Variants in APOL3 observed in about 807,000 individuals in gnomAD.
APOL3 encodes the protein apolipoprotein L3, also known as TNF-inducible protein CG12-1.
APOL3 carries 14 observed loss-of-function variants against 11.6 expected under a neutral mutation model. That is an observed-to-expected ratio of 1.21 (90% CI 0.80 to 1.89). The LOEUF (loss-of-function observed/expected upper bound fraction) is 1.89. Among genes scored for constraint, APOL3 ranks in the 40% most tolerant of loss-of-function variants. The probability of loss-of-function intolerance (pLI) is 0.00; values close to 1 mark genes in which losing one functional copy is unlikely to be tolerated. For missense variants in APOL3, 483 were observed against 492.1 expected (o/e 0.98, Z 0.17); for synonymous variants, 192 against 190.6 (o/e 1.01, Z -0.06).
exon 3 of APOL3, chr22:36,141,778 A>G (rs2146723638): frequency 2.5e-6 from 4 of 1,614,170 alleles, no homozygotes; most frequent in Non-Finnish European, 2.5e-6. Flanking sequence ...CCTGCTGTAA[A>G]TGGTGCCAAA....
intron 1 of APOL3, among the ~76,000 whole-genome samples, chr22:36,157,702 T>G (rs2013123230): frequency 6.6e-6 from 1 of 152,194 alleles, no homozygotes; most frequent in South Asian, 2.1e-4. Flanking sequence ...CAAAGGTAAC[T>G]GTCCACAATC....
At chr22:36,157,476 T>C (rs1466637723) in intron 1 of APOL3, among the ~76,000 whole-genome samples, 2 of 152,176 alleles carry the variant, frequency 1.3e-5, no homozygotes, top group Non-Finnish European at 2.9e-5. Flanking sequence ...GGGATCTAAG[T>C]GTACCCCAGA....
upstream of APOL3, among the ~76,000 whole-genome samples, chr22:36,162,066 T>C (rs1327848369): frequency 6.6e-6 from 1 of 152,222 alleles, no homozygotes; most frequent in Non-Finnish European, 1.5e-5. Flanking sequence ...AACAGTTTGC[T>C]GTTTGATCAT....
chr22:36,141,258 T>C, exon 3 of APOL3: 1 of 1,614,098 alleles, frequency 6.2e-7, no homozygotes, highest in East Asian at 2.2e-5. Context: ...CATTAGATTC[T>C]CCTCCAGCTC....
At chr22:36,150,071 C>G in intron 1 of APOL3, 1 of 360,052 alleles carries the variant, frequency 2.8e-6, no homozygotes, top group Non-Finnish European at 5.5e-6. Flanking sequence ...CTGAGCCCCC[C>G]AAAGTCCTGC....
At chr22:36,142,626 C>T (rs1018503824) in intron 2 of APOL3, among the ~76,000 whole-genome samples, 1 of 152,082 alleles carries the variant, frequency 6.6e-6, no homozygotes, top group African/African-American at 2.4e-5. Flanking sequence ...GGGGCTATTA[C>T]GTATCTTTTC....
intron 1 of APOL3, among the ~76,000 whole-genome samples, chr22:36,145,964 C>CTCTCCCTG (rs60037881): frequency 0.24 from 30,112 of 126,972 alleles, 4,539 homozygotes; most frequent in East Asian, 0.74. Flanking sequence ...TTCCAGCCCT[C>CTCTCCCTG]TCTCCCTGTC....
intron 1 of APOL3, among the ~76,000 whole-genome samples, chr22:36,155,351 CT>C (rs1285374080): frequency 3.3e-5 from 5 of 152,212 alleles, no homozygotes; most frequent in Admixed American, 2.6e-4. Context: ...CCGGGACCCC[CT>C]GATGCGTTTT....
At chr22:36,145,806 G>A (rs771456347) in intron 1 of APOL3, among the ~76,000 whole-genome samples, 2 of 152,024 alleles carry the variant, frequency 1.3e-5, no homozygotes, top group East Asian at 1.9e-4. Flanking sequence ...TTTGGAGATT[G>A]AGCCTTTAAG....
At chr22:36,141,357 A>G in exon 3 of APOL3, 3 of 1,614,186 alleles carry the variant, frequency 1.9e-6, no homozygotes, top group Non-Finnish European at 1.7e-6. Context: ...GACCACATCC[A>G]GTGCAAGGAA....
chr22:36,141,480 G>C, exon 3 of APOL3: 1 of 1,614,192 alleles, frequency 6.2e-7, no homozygotes, highest in Non-Finnish European at 8.5e-7. Flanking sequence ...TCGCCAGGTG[G>C]TCACAGGGAG....
At position 36,149,762 on chromosome 22, in the gene APOL3, C is replaced by T. The variant is rs1278783038; in HGVS notation, c.224-4163G>A. On this transcript the variant is annotated intron_variant, in intron 1 of 2. Coordinates refer to ENST00000349314, the Ensembl canonical transcript of APOL3. ...CCTTAAATATATAAAAATATTGACT[C>T]ATGCATACATGCTTATTGTAAATGA... 3 of 446,442 alleles carry T rather than the reference C, an allele frequency of 6.7e-6. No individual in the cohort carries two copies. In the East Asian group the frequency reaches 2.1e-4, roughly 31 times the overall value. The allele number at this position is 446,442 out of a possible 1,614,324, so 27.7% of individuals were successfully genotyped here.
rs186785665 is a variant in APOL3, at chr22:36,160,480, C to T, written c.223+189G>A. Among the ~76,000 whole-genome samples the T allele has an allele frequency of 1.2e-3, 186 of 152,302 alleles. 1 individual carries two copies. Among genetic ancestry groups the T allele is most frequent in the Middle Eastern group, 3.4e-3 (1 of 294 alleles). ...TGCCTCTGTCTCTACTGTTTGGGGG[C>T]CCAGAGAGAGGGAGGGAGAAGTCCA... is the stretch of plus-strand genomic sequence containing the variant. On this transcript the variant is annotated intron_variant, in intron 1 of 2. Coordinates refer to ENST00000349314, the Ensembl canonical transcript of APOL3.
rs762633933 is a variant in APOL3, at chr22:36,160,861, C to T, written c.31G>A (p.Ala11Thr). The change falls in exon 1 of 3, where the codon GCA becomes ACA. Residue 11 changes from alanine to threonine, a missense_variant. Transcript: ENST00000349314. The stretch of plus-strand genomic sequence containing the variant: ...CTGATCAAACATGCAAAACAGGATG[C>T]TTCCCAGCCCCACCCTTGGCCCAGT... 2.5e-6 allele frequency: 4 copies of T among 1,613,308 alleles called. No homozygotes were observed. In the South Asian group the frequency reaches 4.4e-5, roughly 18 times the overall value.
Position 36,160,665 on chromosome 22 carries a change from T to C in APOL3, c.223+4A>G. 1 of 1,614,034 alleles carries C rather than the reference T, an allele frequency of 6.2e-7. No homozygotes were observed. Among genetic ancestry groups the C allele is most frequent in the South Asian group, 1.1e-5 (1 of 91,068 alleles). On this transcript the variant is annotated splice_donor_region_variant and intron_variant, in intron 1 of 2. Coordinates refer to ENST00000349314, the Ensembl canonical transcript of APOL3. The stretch of plus-strand genomic sequence containing the variant: ...TGGGGAAGGTCAGACCACCCCTAAC[T>C]TACCAAGGAAGCTTCTCTTGAAAGA...
chr22:36,148,965 G>T, intron 1 of APOL3, 81 bp downstream of exon 2: 1 of 1,295,530 alleles, frequency 7.7e-7, no homozygotes, highest in East Asian at 4.6e-5. Context: ...TTCCTCTGGG[G>T]CTCACTGAGT....
Position 36,141,290 on chromosome 22 carries a change from C to A in APOL3, c.1119G>T (p.Glu373Asp). Residue 373 changes from glutamate (E) to aspartate (D), a missense_variant, in exon 3 of 3, where the codon GAG becomes GAT. Physicochemically the swap from Glu to Asp is conservative, Grantham distance 45. Coordinates refer to ENST00000349314, the Ensembl canonical transcript of APOL3. ...GCTCCTGAGCCTGCCGCCTCAGCTC[C>A]TCAGCAGATGCAGACTTTGCCCCCT... The A allele has an allele frequency of 6.2e-7, 1 of 1,614,200 alleles. No individual in the cohort carries two copies. The highest frequency in any genetic ancestry group is 1.7e-5 in the Admixed American group (1 of 60,022).
At chr22:36,160,847 T>A in exon 1 of APOL3, 1 of 1,612,648 alleles carries the variant, frequency 6.2e-7, no homozygotes, top group Non-Finnish European at 8.5e-7. Flanking sequence ...TGATCAAACA[T>A]GCAAAACAGG....
chr22:36,142,063 A>G lies in APOL3; in HGVS notation c.351-5T>C. Reference sequence around the variant, plus strand: ...TAGAGAGCATCTGCCTCATCCCTGTACCAATAAAGGACAGATGATTAAGAA... The same window carrying G: ...TAGAGAGCATCTGCCTCATCCCTGTGCCAATAAAGGACAGATGATTAAGAA... On this transcript the variant is annotated splice_polypyrimidine_tract_variant and splice_region_variant and intron_variant, in intron 2 of 2. Transcript: ENST00000349314. 1 of 1,600,174 alleles carries G rather than the reference A, an allele frequency of 6.2e-7. No homozygotes were observed. Among genetic ancestry groups the G allele is most frequent in the South Asian group, 1.1e-5 (1 of 88,552 alleles).
Sources: allele counts gnomAD v4.1 joint callset (sites outside exome capture counted in the v4.1 genomes callset), GRCh38; gene constraint gnomAD v4.1.1; transcripts MANE v1.5; gene names NCBI Gene and HGNC (gene_info 2026-07-23, HGNC 2026-07-21).